The following TNC variants were observed in gnomAD, a reference collection of about 807,000 sequenced individuals.
The protein encoded by TNC is tenascin C.
A neutral mutation model predicts 202.4 loss-of-function variants in TNC; 109 were observed. The observed-to-expected ratio is 0.54, with a 90% CI of 0.46 to 0.63. The LOEUF (loss-of-function observed/expected upper bound fraction) is 0.63. Among genes scored for constraint, TNC ranks in the 30% least tolerant of loss-of-function variants. The pLI, the probability that TNC is intolerant of heterozygous loss-of-function variation, is 0.00. For missense variants in TNC, 2,756 were observed against 2,833.3 expected (o/e 0.97, Z 0.62); for synonymous variants, 1,007 against 1,089.7 (o/e 0.92, Z 1.50).
chr9:115,065,009 C>T (rs1832837645), intron 10 of TNC, 90 bp from the exon 11 acceptor site: 1 of 1,468,958 alleles, frequency 6.8e-7, no homozygotes, highest in Non-Finnish European at 9.2e-7. Context: ...AATGCCACAT[C>T]TATAGGCCAT....
chr9:115,072,084 G>T (rs1288796844), intron 10 of TNC, among the ~76,000 whole-genome samples: 1 of 152,182 alleles, frequency 6.6e-6, no homozygotes, highest in African/African-American at 2.4e-5. Context: ...ATTTTATGTG[G>T]AAGTAACATG....
At chr9:115,065,117 C>T (rs1036199469) in intron 10 of TNC, among the ~76,000 whole-genome samples, 198 bp from the exon 11 acceptor site, 5 of 152,082 alleles carry the variant, frequency 3.3e-5, no homozygotes, top group African/African-American at 4.8e-5. Context: ...CTTTTGTGGC[C>T]GGGCATGGTG....
chr9:115,041,221 G>C, intron 18 of TNC, 137 bp from the exon 19 acceptor site: 3 of 979,516 alleles, frequency 3.1e-6, no homozygotes, highest in Non-Finnish European at 2.8e-6. Flanking sequence ...CTTCTCATTT[G>C]CTCCTACCCT....
intron 9 of TNC, among the ~76,000 whole-genome samples, chr9:115,074,323 C>A (rs989263882): frequency 6.6e-6 from 1 of 152,162 alleles, no homozygotes; most frequent in Non-Finnish European, 1.5e-5. Context: ...ATCTAGGGAC[C>A]TTTGGGAGGC....
chr9:115,075,771 G>A (rs142062622), intron 9 of TNC, among the ~76,000 whole-genome samples: 23 of 152,170 alleles, frequency 1.5e-4, no homozygotes, highest in African/African-American at 3.4e-4. Context: ...GTGGCAGAGC[G>A]ATACTCCATC....
intron 10 of TNC, among the ~76,000 whole-genome samples, chr9:115,069,523 G>A (rs1386597544): frequency 6.6e-6 from 1 of 151,206 alleles, no homozygotes; most frequent in Admixed American, 6.6e-5. Flanking sequence ...AATGATGCCT[G>A]GTACACACTA....
chr9:115,050,406 T>C (rs1222875556), intron 15 of TNC, among the ~76,000 whole-genome samples: 2 of 152,164 alleles, frequency 1.3e-5, no homozygotes, highest in Admixed American at 6.6e-5. Context: ...CTACAAGCAA[T>C]GGCCTGATGG....
chr9:115,053,109 C>T, intron 15 of TNC: 1 of 637,684 alleles, frequency 1.6e-6, no homozygotes, highest in South Asian at 1.8e-5. Flanking sequence ...ATGAAAGCAT[C>T]AATATCTCCA....
chr9:115,058,598 C>A (rs1832307630), intron 14 of TNC, among the ~76,000 whole-genome samples: 1 of 152,170 alleles, frequency 6.6e-6, no homozygotes, highest in South Asian at 2.1e-4. Context: ...ACCGTCCTGG[C>A]AGTGGTTGCC....
Position 115,031,643 on chromosome 9 carries a change from C to G in TNC, c.5830G>C (p.Asp1944His), listed in dbSNP as rs768736428. The G allele has an allele frequency of 2.1e-5, 34 of 1,612,278 alleles. No individual in the cohort carries two copies. The South Asian group carries it at 3.6e-4, about 17-fold the overall frequency. The stretch of plus-strand genomic sequence containing the variant: ...GTGTAGTGGGTGGATGGGCTCAGGT[C>G]TGCCAGGCTGTAGGAGGTGGTATCT... ...GPDTTSYSLADLSPSTHYTAK... is the reference protein window; with the variant it reads ...GPDTTSYSLAHLSPSTHYTAK... Residue 1944 changes from aspartate (D) to histidine (H), a missense_variant, in exon 23 of 28, where the codon GAC becomes CAC. Around this residue, in one of 2 missense-constraint regions of TNC, gnomAD observed 2,559 missense variants for 2,546.0 expected, o/e 1.01. Coordinates refer to ENST00000350763, the MANE Select transcript of TNC (RefSeq NM_002160.4).
At chr9:115,029,770 T>C (rs1248488421) in intron 24 of TNC, among the ~76,000 whole-genome samples, 3 of 152,034 alleles carry the variant, frequency 2.0e-5, no homozygotes, top group Non-Finnish European at 2.9e-5. Context: ...GGGTGTGGGG[T>C]GTATATGAAA....
At chr9:115,095,786 A>G (rs1338543453) in intron 1 of TNC, among the ~76,000 whole-genome samples, 1 of 148,624 alleles carries the variant, frequency 6.7e-6, no homozygotes, top group African/African-American at 2.5e-5. Context: ...GTAACATAAT[A>G]TTACATATTA....
intron 1 of TNC, among the ~76,000 whole-genome samples, chr9:115,096,758 C>T (rs993435436): frequency 6.6e-6 from 1 of 152,184 alleles, no homozygotes; most frequent in Non-Finnish European, 1.5e-5. Flanking sequence ...ATCCTCAATG[C>T]TATTGTCCTT....
In TNC at chr9:115,064,676, G is replaced by A. The variant is rs767308118; in HGVS notation, c.3458C>T (p.Thr1153Ile). ...GGAGGCCTCAGCAGAGAGCACTGGT[G>A]TTCTATAGCCCTGGATCACCCCATA... ...SIYGVIQGYR[T>I]PVLSAEASTG... is the part of the protein sequence containing the mutation. Residue 1153 changes from threonine (T) to isoleucine (I), a missense_variant, in exon 11 of 28, where the codon ACA becomes ATA. This residue lies in a region of TNC where 2,559 missense variants were observed against 2,546.0 expected (regional missense o/e 1.01). Transcript: ENST00000350763. 1.9e-6 allele frequency: 3 copies of A among 1,613,040 alleles called. No homozygotes were observed. In the South Asian group the frequency reaches 3.3e-5, roughly 18 times the overall value.
intron 20 of TNC, among the ~76,000 whole-genome samples, chr9:115,037,042 A>T (rs1190295819): frequency 6.6e-6 from 1 of 152,210 alleles, no homozygotes; most frequent in Non-Finnish European, 1.5e-5. Context: ...TAGGTGCAAC[A>T]CCATCTTTCC....
intron 25 of TNC, among the ~76,000 whole-genome samples, chr9:115,026,907 G>A (rs556283070): frequency 2.0e-5 from 3 of 152,080 alleles, no homozygotes; most frequent in Non-Finnish European, 4.4e-5. Context: ...TCAGGAGTTC[G>A]TTATCAGCCT....
chr9:115,085,560 T>A (rs1467770438), intron 3 of TNC, among the ~76,000 whole-genome samples: 1 of 152,196 alleles, frequency 6.6e-6, no homozygotes, highest in East Asian at 1.9e-4. Context: ...AACTTTATTT[T>A]AAACTCTATG....
chr9:115,063,831 A>G lies in TNC; in HGVS notation c.3725T>C (p.Phe1242Ser). ...TTCAACAGAGAGAGGGGTTGTGCTGAAGTCCTGAGTGACCCCGCGGATGGT... is the reference window on the plus strand; with the variant it reads ...TTCAACAGAGAGAGGGGTTGTGCTGGAGTCCTGAGTGACCCCGCGGATGGT... ...TITIRGVTQD[F>S]STTPLSVEVL... Residue 1242 changes from phenylalanine to serine, a missense_variant, in exon 12 of 28, where the codon TTC becomes TCC. Around this residue, in one of 2 missense-constraint regions of TNC, gnomAD observed 2,559 missense variants for 2,546.0 expected, o/e 1.01. Transcript: ENST00000350763. The G allele has an allele frequency of 1.9e-6, 3 of 1,614,046 alleles. No individual in the cohort carries two copies. The highest frequency in any genetic ancestry group is 2.5e-6 in the Non-Finnish European group (3 of 1,179,926).
chr9:115,035,464 T>G (rs1260383360), intron 21 of TNC, 130 bp from the exon 22 acceptor site: 1 of 927,818 alleles, frequency 1.1e-6, no homozygotes, highest in Non-Finnish European at 1.6e-6. Context: ...TGGCAAGAAC[T>G]TCCTCTGTAT....
Sources: gnomAD v4.1 joint callset for allele counts (sites outside exome capture counted in the v4.1 genomes callset) on GRCh38, gnomAD v4.1.1 for gene constraint, gnomAD v4.1.1 regional missense constraint, MANE v1.5 for transcripts, NCBI Gene and HGNC (gene_info 2026-07-23, HGNC 2026-07-21) for gene names.